The following SERINC2 variants were observed in gnomAD, a reference collection of about 807,000 sequenced individuals.
SERINC2 encodes the protein serine incorporator 2.
SERINC2 carries 56 observed loss-of-function variants against 54.2 expected under a neutral mutation model. That is an observed-to-expected ratio of 1.03 (90% CI 0.83 to 1.29). The LOEUF (loss-of-function observed/expected upper bound fraction) is 1.29, where lower values mean the gene tolerates loss of function less well. SERINC2 is among the 50% of genes most tolerant of loss of function. SERINC2 has a pLI of 0.00. For synonymous variants in SERINC2, 272 were observed against 253.1 expected (o/e 1.07, Z -0.71); for missense variants, 614 against 607.4 (o/e 1.01, Z -0.12).
intron 1 of SERINC2, among the ~76,000 whole-genome samples, chr1:31,421,794 A>T (rs1044218971): frequency 6.6e-6 from 1 of 152,052 alleles, no homozygotes; most frequent in South Asian, 2.1e-4. Flanking sequence ...GCTGGTGCCT[A>T]TGTGGTCTGG....
At chr1:31,424,919 C>A in intron 3 of SERINC2, 46 bp downstream of exon 3, 1 of 1,510,340 alleles carries the variant, frequency 6.6e-7, no homozygotes, top group Non-Finnish European at 9.0e-7. Flanking sequence ...TCCCCCAGTG[C>A]CTTGCCCGCT....
At position 31,429,048 on chromosome 1, in the gene SERINC2, C is replaced by T; in HGVS notation, c.851C>T (p.Ser284Leu). The T allele has an allele frequency of 1.1e-5, 18 of 1,613,800 alleles. No homozygotes were observed. The highest frequency in any genetic ancestry group is 1.5e-5 in the Non-Finnish European group (18 of 1,179,752). ...CTCTACACCATGTTTGTCACCTGGT[C>T]AGCCCTATCCAGTATCCCTGGTAAG... ...ITLYTMFVTW[S>L]ALSSIPEQKC... Residue 284 changes from serine (S) to leucine (L), a missense_variant, in exon 7 of 10, where the codon TCA becomes TTA. Transcript: ENST00000373709.
chr1:31,419,734 T>C (rs1276095131), intron 1 of SERINC2, among the ~76,000 whole-genome samples: 1 of 152,088 alleles, frequency 6.6e-6, no homozygotes, highest in Middle Eastern at 3.2e-3. Context: ...GAGGCTGAGG[T>C]AGGAGGATCG....
At chr1:31,432,901 T>C in intron 8 of SERINC2, 66 bp from the exon 9 acceptor site, 1 of 1,306,118 alleles carries the variant, frequency 7.7e-7, no homozygotes, top group Non-Finnish European at 1.1e-6. Context: ...TCTGGGACCA[T>C]TTGTGTCCAG....
chr1:31,415,879 A>C, intron 1 of SERINC2: 2 of 985,390 alleles, frequency 2.0e-6, no homozygotes, highest in South Asian at 9.4e-5. Context: ...TCAGCATTGG[A>C]ACTGGGCTGA....
intron 1 of SERINC2, among the ~76,000 whole-genome samples, chr1:31,420,480 C>T (rs1209615470): frequency 3.3e-5 from 5 of 152,184 alleles, no homozygotes; most frequent in African/African-American, 9.7e-5. Context: ...GCACCTGGCT[C>T]CTGAGATCAG....
At chr1:31,427,206 A>G (rs886908494) in intron 6 of SERINC2, among the ~76,000 whole-genome samples, 9 of 152,208 alleles carry the variant, frequency 5.9e-5, no homozygotes, top group African/African-American at 2.2e-4. Flanking sequence ...CATTAGGGGC[A>G]GTCCCTGAGT....
In SERINC2 at chr1:31,425,326, G is replaced by C. The variant is rs1474140577; in HGVS notation, c.393-4G>C. 1.9e-6 allele frequency: 3 copies of C among 1,608,304 alleles called. No individual in the cohort carries two copies. The highest frequency in any genetic ancestry group is 2.6e-6 in the Non-Finnish European group (3 of 1,174,566). Reference sequence around the variant, plus strand: ...CCTTGTCCATTCCCCGACCCCTTCTGTAGGTTTTGGTTCTTTAAGTTCCTG... The same window carrying C: ...CCTTGTCCATTCCCCGACCCCTTCTCTAGGTTTTGGTTCTTTAAGTTCCTG... On this transcript the variant is annotated splice_polypyrimidine_tract_variant and splice_region_variant and intron_variant, in intron 3 of 9. Coordinates refer to ENST00000373709, the MANE Select transcript of SERINC2 (RefSeq NM_178865.5).
In SERINC2 at chr1:31,434,289, C is replaced by G; in HGVS notation, c.*90C>G. 1 of 1,397,602 alleles carries G rather than the reference C, an allele frequency of 7.2e-7. No individual in the cohort carries two copies. Among genetic ancestry groups the G allele is most frequent in the African/African-American group, 1.4e-5 (1 of 71,156 alleles). The allele number at this position is 1,397,602 out of a possible 1,614,324, so 86.6% of individuals were successfully genotyped here. On this transcript the variant is annotated 3_prime_UTR_variant, in exon 10 of 10. Transcript: ENST00000373709. ...CAACCTGCCCCCTCCCCACACCAAT[C>G]AGCCAGGCTGAGCCCCCACCCCTGC...
At chr1:31,412,498 G>A (rs1553131591), upstream of SERINC2, among the ~76,000 whole-genome samples, 1 of 152,156 alleles carries the variant, frequency 6.6e-6, no homozygotes, top group Non-Finnish European at 1.5e-5. Context: ...TAGAGTGAGA[G>A]GCTGGGGTCT....
intron 6 of SERINC2, among the ~76,000 whole-genome samples, chr1:31,428,525 T>C (rs1557496706): frequency 6.6e-6 from 1 of 152,024 alleles, no homozygotes; most frequent in African/African-American, 2.4e-5. Context: ...CTGCCGTAGT[T>C]CAGGTTCCCA....
intron 3 of SERINC2, 24 bp from the exon 4 acceptor site, chr1:31,425,306 T>A: frequency 6.4e-7 from 1 of 1,569,160 alleles, no homozygotes; most frequent in South Asian, 1.1e-5. Flanking sequence ...AGCTTCCTTG[T>A]CCATTCCCCG....
Position 31,433,230 on chromosome 1 carries a change from G to A in SERINC2, c.1232+45G>A, listed in dbSNP as rs76629576. ...TGGACAGAGCCCGGAGGTGCAGGGT[G>A]CAGGTCCACACATCTCTCCTGCGGC... On this transcript the variant is annotated intron_variant, in intron 9 of 9. Coordinates refer to ENST00000373709, the MANE Select transcript of SERINC2 (RefSeq NM_178865.5). 26,974 of 1,514,676 alleles carry A rather than the reference G, an allele frequency of 0.018. 3,125 individuals are homozygous for A. In the African/African-American group the frequency reaches 0.28, roughly 16 times the overall value. 93.8% of individuals were successfully genotyped at this position (1,514,676 alleles called of 1,614,324 possible). A position where few individuals can be genotyped will look rare whatever the true frequency, so the allele number is the denominator to read the frequency against.
intron 3 of SERINC2, 86 bp from the exon 4 acceptor site, chr1:31,425,244 G>C (rs1641006988): frequency 2.0e-6 from 2 of 983,598 alleles, no homozygotes; most frequent in Admixed American, 1.7e-5. Context: ...GTTTGTGGGT[G>C]GGGGCTCTGG....
chr1:31,414,918 AGT>A (rs1640747945), intron 1 of SERINC2: 1 of 241,588 alleles, frequency 4.1e-6, no homozygotes, highest in Non-Finnish European at 6.7e-6. Context: ...GATGAGGCAC[AGT>A]TCCTGGCATA....
chr1:31,410,942 A>G (rs34278290), upstream of SERINC2, among the ~76,000 whole-genome samples: 12,896 of 152,218 alleles, frequency 0.085, 691 homozygotes, highest in East Asian at 0.23. Flanking sequence ...GCTTGGTGGC[A>G]TTTCAGTCTA....
chr1:31,418,969 G>A (rs1640843279), intron 1 of SERINC2, among the ~76,000 whole-genome samples: 1 of 152,222 alleles, frequency 6.6e-6, no homozygotes, highest in African/African-American at 2.4e-5. Context: ...TGGATTGGTT[G>A]AATGCCAAGG....
intron 1 of SERINC2, among the ~76,000 whole-genome samples, chr1:31,418,579 T>C (rs1553132474): frequency 6.6e-6 from 1 of 152,174 alleles, no homozygotes; most frequent in Non-Finnish European, 1.5e-5. Flanking sequence ...TTTCACCATG[T>C]TGGCAGGATG....
In SERINC2 at chr1:31,434,054, T is replaced by C; in HGVS notation, c.1233-10T>C. ...GGCACCAGGCTCATGGGGAAGATGG[T>C]GTGTTCCAGGCCCGGTGAGACCCGG... On this transcript the variant is annotated splice_polypyrimidine_tract_variant and intron_variant, in intron 9 of 9. Transcript: ENST00000373709. 1 of 1,612,744 alleles carries C rather than the reference T, an allele frequency of 6.2e-7. No individual in the cohort carries two copies. The highest frequency in any genetic ancestry group is 1.1e-5 in the South Asian group (1 of 90,942).
Sources: gnomAD v4.1 joint callset for allele counts (sites outside exome capture counted in the v4.1 genomes callset) on GRCh38, gnomAD v4.1.1 for gene constraint, MANE v1.5 for transcripts, NCBI Gene and HGNC (gene_info 2026-07-23, HGNC 2026-07-21) for gene names.